The following ODR4 variants were observed in gnomAD, a reference collection of about 807,000 sequenced individuals.
ODR4 encodes the protein protein odr-4 homolog.
Under a neutral mutation model 60.2 loss-of-function variants are expected in ODR4, and 47 were observed. The ratio of observed to expected loss-of-function variants is 0.78; its 90% CI spans 0.62 to 1.00. The LOEUF (loss-of-function observed/expected upper bound fraction) is 1.00, where lower values mean the gene tolerates loss of function less well. Among genes scored for constraint, ODR4 ranks in the 50% least tolerant of loss-of-function variants. ODR4 has a pLI of 0.00. For missense variants in ODR4, 488 were observed against 530.8 expected (o/e 0.92, Z 0.79); for synonymous variants, 178 against 175.5 (o/e 1.01, Z -0.11).
rs41313914 is a variant in ODR4 at position 186,418,873 on chromosome 1, T to C, written c.1298-136T>C. On this transcript the variant is annotated intron_variant, in intron 13 of 13. Transcript: ENST00000287859. ...TGCTGCCTTTTAGTATATACATATG[T>C]ATGTCTATGTATGATTGTGTGTTTG... The C allele has an allele frequency of 1.1e-3, 759 of 684,414 alleles. 5 individuals are homozygous for C. Among genetic ancestry groups the C allele is most frequent in the Middle Eastern group, 2.2e-3 (9 of 4,122 alleles). The allele number at this position is 684,414 out of a possible 1,614,324, so 42.4% of individuals were successfully genotyped here.
At chr1:186,378,071 G>C (rs1283294361) in intron 1 of ODR4, among the ~76,000 whole-genome samples, 1 of 151,790 alleles carries the variant, frequency 6.6e-6, no homozygotes, top group African/African-American at 2.4e-5. Context: ...AAAGAGCCAG[G>C]AAGAAATTAA....
downstream of ODR4, among the ~76,000 whole-genome samples, chr1:186,421,594 G>A (rs569243134): frequency 6.6e-6 from 1 of 152,120 alleles, no homozygotes; most frequent in Admixed American, 6.6e-5. Flanking sequence ...GGCCAGGCAC[G>A]GTGGCTCACA....
chr1:186,413,478 C>T (rs1179832477), intron 12 of ODR4, among the ~76,000 whole-genome samples: 6 of 152,032 alleles, frequency 3.9e-5, no homozygotes, highest in Non-Finnish European at 5.9e-5. Flanking sequence ...CAAAATGACT[C>T]GCTTGAGGTG....
rs1435435275 is a variant in ODR4, at chr1:186,398,958, T to G, written c.914T>G (p.Val305Gly). 6.2e-7 allele frequency: 1 copy of G among 1,607,526 alleles called. No individual in the cohort carries two copies. Among genetic ancestry groups the G allele is most frequent in the Non-Finnish European group, 8.5e-7 (1 of 1,176,588 alleles). The change falls in exon 11 of 14, where the codon GTA becomes GGA. Residue 305 changes from valine to glycine, a missense_variant. By Grantham distance (109) the Val-to-Gly change is moderately radical. Coordinates refer to ENST00000287859, the MANE Select transcript of ODR4 (RefSeq NM_017847.6). ...KPKVKDAVQA[V>G]KRDILNTVAD... ...TTTGTGTGTTTTTCCCTGTAGGCAG[T>G]AAAGAGGGATATATTGAACACAGTT...
At chr1:186,429,111 G>A in the ODR4 span, among the ~76,000 whole-genome samples, 10 of 152,144 alleles carry the variant, frequency 6.6e-5, no homozygotes, top group African/African-American at 2.4e-4. Context: ...TTAACTGGTT[G>A]TGGTTGGCAC....
intron 11 of ODR4, among the ~76,000 whole-genome samples, chr1:186,403,821 A>G (rs541795015): frequency 6.6e-6 from 1 of 152,286 alleles, no homozygotes; most frequent in African/African-American, 2.4e-5. Flanking sequence ...CATTGTGAAA[A>G]TGGAGGTCAT....
intron 13 of ODR4, among the ~76,000 whole-genome samples, chr1:186,418,054 G>C (rs938759797): frequency 1.3e-5 from 2 of 152,034 alleles, no homozygotes; most frequent in African/African-American, 4.8e-5. Flanking sequence ...TATTTTAAAG[G>C]CTCTAAGAAT....
chr1:186,416,102 T>C (rs1305639047), intron 12 of ODR4, among the ~76,000 whole-genome samples: 1 of 152,156 alleles, frequency 6.6e-6, no homozygotes, highest in East Asian at 1.9e-4. Context: ...TTTAAAAATA[T>C]GAAAAACAGA....
At chr1:186,426,588 G>A in the ODR4 span, among the ~76,000 whole-genome samples, 1 of 152,146 alleles carries the variant, frequency 6.6e-6, no homozygotes, top group Non-Finnish European at 1.5e-5. Flanking sequence ...GTTCCAGAAT[G>A]TCACTCTTTG....
chr1:186,389,640 T>G lies in ODR4; in HGVS notation c.474+16T>G. 1 of 1,460,626 alleles carries G rather than the reference T, an allele frequency of 6.8e-7. No individual in the cohort carries two copies. The highest frequency in any genetic ancestry group is 9.3e-7 in the Non-Finnish European group (1 of 1,078,546). The allele number at this position is 1,460,626 out of a possible 1,614,324, so 90.5% of individuals were successfully genotyped here. A position where few individuals can be genotyped will look rare whatever the true frequency, so the allele number is the denominator to read the frequency against. ...TGATCCAAAGGTAAGAAATTTACTC[T>G]TTAAAGATTTTTCTGTGTCACAAAG... On this transcript the variant is annotated intron_variant, in intron 6 of 13. Coordinates refer to ENST00000287859, the MANE Select transcript of ODR4 (RefSeq NM_017847.6).
intron 11 of ODR4, chr1:186,401,433 T>G: frequency 3.3e-6 from 1 of 306,740 alleles, no homozygotes; most frequent in Non-Finnish European, 6.3e-6. Flanking sequence ...CAGAGTGACC[T>G]CAGGCAAATG....
At chr1:186,429,009 A>G in the ODR4 span, among the ~76,000 whole-genome samples, 1 of 152,292 alleles carries the variant, frequency 6.6e-6, no homozygotes, top group South Asian at 2.1e-4. Context: ...TTTGGCGAGT[A>G]AATCACTTGA....
At chr1:186,432,515 G>A in the ODR4 span, among the ~76,000 whole-genome samples, 2 of 152,046 alleles carry the variant, frequency 1.3e-5, no homozygotes, top group African/African-American at 4.8e-5. Flanking sequence ...TTTTTTTGGG[G>A]GGTAATATTT....
chr1:186,385,674 G>C (rs1014742751), intron 3 of ODR4, among the ~76,000 whole-genome samples: 1 of 152,000 alleles, frequency 6.6e-6, no homozygotes, highest in Non-Finnish European at 1.5e-5. Flanking sequence ...TGAATTACTT[G>C]AGGAAAAGTA....
At chr1:186,387,940 G>A (rs1035217768) in intron 4 of ODR4, among the ~76,000 whole-genome samples, 2 of 151,992 alleles carry the variant, frequency 1.3e-5, no homozygotes, top group African/African-American at 4.8e-5. Context: ...TAAGTCTTGT[G>A]TGACGTTTAA....
At chr1:186,376,280 T>A (rs1343245959) in intron 1 of ODR4, among the ~76,000 whole-genome samples, 1 of 152,182 alleles carries the variant, frequency 6.6e-6, no homozygotes, top group African/African-American at 2.4e-5. Context: ...AACGGTTACC[T>A]AACATTATAT....
In ODR4 at chr1:186,393,899, G is replaced by GT. The variant is rs1660565603; in HGVS notation, c.712-44dup. ...CAATAGTTTATAAGTTGTCTTTTAT[G>GT]TTTTACAGGCTTCACAGTTTGGCTT... On this transcript the variant is annotated intron_variant, in intron 8 of 13. Transcript: ENST00000287859. The GT allele has an allele frequency of 4.0e-6, 4 of 1,001,104 alleles. No homozygotes were observed. The East Asian group carries it at 1.0e-4, about 26-fold the overall frequency. 62.0% of individuals were successfully genotyped at this position (1,001,104 alleles called of 1,614,324 possible).
chr1:186,406,282 G>A lies in ODR4; in HGVS notation c.1186+14G>A. 2 of 1,555,098 alleles carry A rather than the reference G, an allele frequency of 1.3e-6. No homozygotes were observed. The highest frequency in any genetic ancestry group is 1.7e-6 in the Non-Finnish European group (2 of 1,150,002). On this transcript the variant is annotated intron_variant, in intron 12 of 13. Transcript: ENST00000287859. The stretch of plus-strand genomic sequence containing the variant: ...AAACAAACACAGGTCATTATATGAT[G>A]CTATTTAAGAACCTGGTTAGATTAC...
chr1:186,422,668 G>T (rs935372030), downstream of ODR4, among the ~76,000 whole-genome samples: 6 of 152,010 alleles, frequency 3.9e-5, no homozygotes, highest in African/African-American at 1.4e-4. Context: ...AGGAGAAAAA[G>T]AAATACTTAA....
Sources: gnomAD v4.1 joint callset for allele counts (sites outside exome capture counted in the v4.1 genomes callset) on GRCh38, gnomAD v4.1.1 for gene constraint, MANE v1.5 for transcripts, NCBI Gene and HGNC (gene_info 2026-07-23, HGNC 2026-07-21) for gene names.